Variants in VPS37A observed in about 807,000 individuals in gnomAD.
The protein encoded by VPS37A is VPS37A subunit of ESCRT-I.
A neutral mutation model predicts 49.8 loss-of-function variants in VPS37A; 30 were observed. The ratio of observed to expected loss-of-function variants is 0.60; its 90% CI spans 0.45 to 0.82. The LOEUF (loss-of-function observed/expected upper bound fraction) is 0.82. Ranked by LOEUF, VPS37A falls within the 40% of genes least tolerant of loss-of-function variation. The pLI, the probability that VPS37A is intolerant of heterozygous loss-of-function variation, is 0.00. For missense variants in VPS37A, 593 were observed against 464.4 expected (o/e 1.28, Z -2.55); for synonymous variants, 195 against 160.6 (o/e 1.21, Z -1.62).
At chr8:17,302,391 C>A (rs1439022412), downstream of VPS37A, 62 of 1,244,096 alleles carry the variant, frequency 5.0e-5, no homozygotes, top group Non-Finnish European at 6.3e-5. Context: ...TAACCAAATG[C>A]AAATTTCAGC....
At chr8:17,293,942 TGAG>T (rs1816375250) in intron 11 of VPS37A, among the ~76,000 whole-genome samples, 3 of 152,142 alleles carry the variant, frequency 2.0e-5, no homozygotes, top group South Asian at 4.2e-4. Flanking sequence ...GAGAACCACT[TGAG>T]GAGGCAGTCT....
chr8:17,290,951 A>G (rs1039088274), intron 11 of VPS37A, among the ~76,000 whole-genome samples: 4 of 152,088 alleles, frequency 2.6e-5, no homozygotes, highest in Admixed American at 2.6e-4. Context: ...TAGTTTGTGT[A>G]AAGGTGTTTA....
Position 17,256,485 on chromosome 8 carries a change from C to G in VPS37A, c.125+9116C>G, listed in dbSNP as rs371855120. Among the ~76,000 whole-genome samples the G allele has an allele frequency of 4.4e-4, 66 of 151,606 alleles. 1 individual carries two copies. Among genetic ancestry groups the G allele is most frequent in the African/African-American group, 1.6e-3 (65 of 41,336 alleles). ...AGATCTTTTGCCAATGTTTAAATCA[C>G]ATTATTTGTTTTTCTGCTTTTGAGT... On this transcript the variant is annotated intron_variant, in intron 1 of 11. Coordinates refer to ENST00000324849, the MANE Select transcript of VPS37A (RefSeq NM_152415.3).
chr8:17,302,869 T>C (rs1221558005), downstream of VPS37A, among the ~76,000 whole-genome samples: 1 of 151,706 alleles, frequency 6.6e-6, no homozygotes, highest in Admixed American at 6.6e-5. Context: ...TGCACCACCA[T>C]GCCTAATTTT....
chr8:17,304,416 G>C, downstream of VPS37A: 1 of 1,614,028 alleles, frequency 6.2e-7, no homozygotes, highest in Non-Finnish European at 8.5e-7. Context: ...GGGAGATGAA[G>C]GGTTCCCTGA....
chr8:17,281,956 G>T (rs1236006638), intron 9 of VPS37A, among the ~76,000 whole-genome samples: 1 of 151,962 alleles, frequency 6.6e-6, no homozygotes, highest in East Asian at 1.9e-4. Context: ...TTATTAAAAA[G>T]ATTTCATTCT....
At position 17,286,329 on chromosome 8, in the gene VPS37A, C is replaced by G; in HGVS notation, c.1114-18C>G. On this transcript the variant is annotated intron_variant, in intron 10 of 11. Coordinates refer to ENST00000324849, the MANE Select transcript of VPS37A (RefSeq NM_152415.3). ...TCTTTGTAAAAGTGACTGGTATTTT[C>G]AAAAATTTATTTTCTAGATTTGCCA... The G allele has an allele frequency of 6.2e-7, 1 of 1,608,842 alleles. No individual in the cohort carries two copies. Among genetic ancestry groups the G allele is most frequent in the East Asian group, 2.2e-5 (1 of 44,618 alleles).
the VPS37A span, among the ~76,000 whole-genome samples, chr8:17,331,729 G>A: frequency 6.6e-6 from 1 of 152,076 alleles, no homozygotes; most frequent in African/African-American, 2.4e-5. Flanking sequence ...CAATAAACAC[G>A]TTATCAAATA....
chr8:17,330,746 C>T, the VPS37A span, among the ~76,000 whole-genome samples: 36 of 152,256 alleles, frequency 2.4e-4, no homozygotes, highest in Middle Eastern at 3.4e-3. Context: ...ATTCTCCCTT[C>T]GAATGGCCAT....
At chr8:17,265,549 T>C (rs1405142968) in intron 1 of VPS37A, among the ~76,000 whole-genome samples, 1 of 152,200 alleles carries the variant, frequency 6.6e-6, no homozygotes, top group Non-Finnish European at 1.5e-5. Context: ...ATAGTGGCAG[T>C]TAAAACCCAG....
intron 6 of VPS37A, among the ~76,000 whole-genome samples, chr8:17,278,102 TG>T (rs1814698471): frequency 6.6e-6 from 1 of 152,086 alleles, no homozygotes. Flanking sequence ...GATGTTTCTC[TG>T]TTTCCCATAG....
chr8:17,332,219 C>G, the VPS37A span, among the ~76,000 whole-genome samples: 1 of 139,464 alleles, frequency 7.2e-6, no homozygotes, highest in Non-Finnish European at 1.5e-5. Context: ...GAACTCACCA[C>G]CAGAAAAAAA....
At chr8:17,288,552 A>G (rs982216978) in intron 11 of VPS37A, among the ~76,000 whole-genome samples, 1 of 152,272 alleles carries the variant, frequency 6.6e-6, no homozygotes, top group South Asian at 2.1e-4. Context: ...ACATGAACTC[A>G]TTCTTTTTTA....
chr8:17,262,573 ATGTGTGTGTGTG>A (rs139230717), intron 1 of VPS37A, among the ~76,000 whole-genome samples: 1 of 147,356 alleles, frequency 6.8e-6, no homozygotes, highest in Non-Finnish European at 1.5e-5. Context: ...ACTTTAAAGT[ATGTGTGTGTGTG>A]TGTGTGTGTG....
At chr8:17,253,504 T>C (rs2150348653) in intron 1 of VPS37A, among the ~76,000 whole-genome samples, 1 of 152,350 alleles carries the variant, frequency 6.6e-6, no homozygotes, top group South Asian at 2.1e-4. Flanking sequence ...ACAAACAGAA[T>C]GTAACGTTTC....
chr8:17,320,327 A>G, the VPS37A span, among the ~76,000 whole-genome samples: 2 of 152,178 alleles, frequency 1.3e-5, no homozygotes, highest in African/African-American at 2.4e-5. Flanking sequence ...CCTCTAAAAT[A>G]AAATATGAAA....
rs369901222 is a variant in VPS37A, at chr8:17,280,343, G to A, written c.901-32G>A. 2.5e-6 allele frequency: 4 copies of A among 1,601,716 alleles called. No homozygotes were observed. The African/African-American group carries it at 4.1e-5, about 16-fold the overall frequency. The stretch of plus-strand genomic sequence containing the variant: ...AAGAAATTTACATAATTTAAAAATA[G>A]AATAAAACAACCTTTTCATTTTCTC... On this transcript the variant is annotated intron_variant, in intron 8 of 11. Transcript: ENST00000324849.
intron 6 of VPS37A, among the ~76,000 whole-genome samples, chr8:17,278,975 G>C (rs1814778258): frequency 6.6e-6 from 1 of 151,890 alleles, no homozygotes; most frequent in African/African-American, 2.4e-5. Flanking sequence ...GCTCCACCTA[G>C]TTCTTTCACC....
intron 1 of VPS37A, among the ~76,000 whole-genome samples, chr8:17,250,619 C>A (rs1469312505): frequency 6.6e-6 from 1 of 152,176 alleles, no homozygotes; most frequent in African/African-American, 2.4e-5. Context: ...CTACCCCATT[C>A]TGTCATCTCC....
Sources: allele counts gnomAD v4.1 joint callset (sites outside exome capture counted in the v4.1 genomes callset), GRCh38; gene constraint gnomAD v4.1.1; transcripts MANE v1.5; gene names NCBI Gene and HGNC (gene_info 2026-07-23, HGNC 2026-07-21).